The following NEDD9 variants were observed in gnomAD, a reference collection of about 807,000 sequenced individuals.
The protein encoded by NEDD9 is neural precursor cell expressed, developmentally down-regulated 9.
Under a neutral mutation model 76.6 loss-of-function variants are expected in NEDD9, and 26 were observed. That is an observed-to-expected ratio of 0.34 (90% CI 0.25 to 0.47). The LOEUF (loss-of-function observed/expected upper bound fraction) is 0.47. Among genes scored for constraint, NEDD9 ranks in the 20% least tolerant of loss-of-function variants. NEDD9 has a pLI of 1.00. For missense variants in NEDD9, 937 were observed against 1,058.5 expected, an observed-to-expected ratio of 0.89 and a Z score of 1.59; for synonymous variants, 392 against 414.2, an observed-to-expected ratio of 0.95 and a Z score of 0.65.
intron 1 of NEDD9, among the ~76,000 whole-genome samples, chr6:11,336,325 C>T (rs1279108348): frequency 2.0e-4 from 31 of 152,198 alleles, no homozygotes; most frequent in Non-Finnish European, 4.0e-4. Flanking sequence ...AGTGTACTCA[C>T]ACAAACCCAG....
At chr6:11,245,310 C>T (rs949974221) in intron 3 of NEDD9, among the ~76,000 whole-genome samples, 24 of 152,170 alleles carry the variant, frequency 1.6e-4, no homozygotes, top group African/African-American at 5.8e-4. Flanking sequence ...CCTTTTATTT[C>T]AGGTTCATTG....
At chr6:11,319,557 C>T (rs1442053444) in intron 2 of NEDD9, among the ~76,000 whole-genome samples, 4 of 119,824 alleles carry the variant, frequency 3.3e-5, no homozygotes, top group East Asian at 2.1e-4. Context: ...CACTAACATG[C>T]GGACACACAC....
At position 11,205,466 on chromosome 6, in the gene NEDD9, C is replaced by A. The variant is rs553492502; in HGVS notation, c.459+7815G>T. Reference sequence around the variant, plus strand: ...CAATAAATAACTGGTTTAAGTGTGCCATGCTTTAAGAAAACCAAGTATTAC... The same window carrying A: ...CAATAAATAACTGGTTTAAGTGTGCAATGCTTTAAGAAAACCAAGTATTAC... On this transcript the variant is annotated intron_variant, in intron 2 of 6. Coordinates refer to ENST00000379446, the MANE Select transcript of NEDD9 (RefSeq NM_006403.4). 2.0e-5 allele frequency among the ~76,000 whole-genome samples: 3 copies of A among 152,238 alleles called. No individual in the cohort carries two copies. In the East Asian group the frequency reaches 5.8e-4, roughly 29 times the overall value.
At chr6:11,285,372 G>A (rs1490126509) in intron 3 of NEDD9, among the ~76,000 whole-genome samples, 3 of 152,100 alleles carry the variant, frequency 2.0e-5, no homozygotes, top group Non-Finnish European at 4.4e-5. Context: ...GATATAATGT[G>A]TTCATGAATC....
At position 11,193,702 on chromosome 6, in the gene NEDD9, A is replaced by C; in HGVS notation, c.460-10T>G. The stretch of plus-strand genomic sequence containing the variant: ...TCACGGGGGTTATCACCTGTGGGAG[A>C]GAAGGCACAGAGGTGTAAATTTCCA... On this transcript the variant is annotated splice_polypyrimidine_tract_variant and intron_variant, in intron 2 of 6. Coordinates refer to ENST00000379446, the MANE Select transcript of NEDD9 (RefSeq NM_006403.4). 6.2e-7 allele frequency: 1 copy of C among 1,600,204 alleles called. No individual in the cohort carries two copies. The highest frequency in any genetic ancestry group is 8.6e-7 in the Non-Finnish European group (1 of 1,167,692).
intron 2 of NEDD9, among the ~76,000 whole-genome samples, chr6:11,206,225 C>T (rs1323133763): frequency 3.9e-5 from 6 of 151,988 alleles, no homozygotes; most frequent in African/African-American, 7.2e-5. Context: ...TTGAGACCAG[C>T]CTGACCAATA....
At chr6:11,298,471 A>G (rs1760957903) in intron 3 of NEDD9, among the ~76,000 whole-genome samples, 1 of 152,232 alleles carries the variant, frequency 6.6e-6, no homozygotes, top group Non-Finnish European at 1.5e-5. Context: ...TTAGAATTCC[A>G]AAAGTTGAGA....
chr6:11,258,255 T>C (rs1760043084), intron 3 of NEDD9, among the ~76,000 whole-genome samples: 1 of 152,192 alleles, frequency 6.6e-6, no homozygotes, highest in Non-Finnish European at 1.5e-5. Context: ...GCCATGTGCT[T>C]ACCAGGGAGG....
intron 1 of NEDD9, among the ~76,000 whole-genome samples, chr6:11,349,339 A>G (rs1468860132): frequency 1.3e-5 from 2 of 152,204 alleles, no homozygotes; most frequent in Non-Finnish European, 2.9e-5. Flanking sequence ...AATTAGTTCA[A>G]CCATTGTGGA....
chr6:11,264,241 G>A (rs1418071325), intron 3 of NEDD9, among the ~76,000 whole-genome samples: 1 of 152,318 alleles, frequency 6.6e-6, no homozygotes, highest in East Asian at 1.9e-4. Flanking sequence ...CCCAACAAAA[G>A]CTGGACTCCC....
chr6:11,203,762 AAAC>A (rs1419185180), intron 2 of NEDD9, among the ~76,000 whole-genome samples: 4 of 152,140 alleles, frequency 2.6e-5, no homozygotes, highest in Non-Finnish European at 1.5e-5. Flanking sequence ...CAGGTCTGTC[AAAC>A]ACTGATTCTC....
intron 2 of NEDD9, among the ~76,000 whole-genome samples, chr6:11,312,144 C>T (rs1364713508): frequency 2.6e-5 from 4 of 152,104 alleles, no homozygotes; most frequent in Admixed American, 6.6e-5. Context: ...CAAGCATTCT[C>T]TCCAGCTGGC....
chr6:11,325,088 G>C (rs966471346), intron 2 of NEDD9, among the ~76,000 whole-genome samples: 5 of 152,184 alleles, frequency 3.3e-5, no homozygotes, highest in African/African-American at 4.8e-5. Context: ...GGGCACGGTG[G>C]ATTACGCCTG....
At chr6:11,240,733 C>G (rs965493593) in intron 3 of NEDD9, among the ~76,000 whole-genome samples, 1 of 152,126 alleles carries the variant, frequency 6.6e-6, no homozygotes, top group Non-Finnish European at 1.5e-5. Flanking sequence ...ATGTGACAAG[C>G]AATTGTGACG....
intron 3 of NEDD9, among the ~76,000 whole-genome samples, chr6:11,243,570 A>G (rs1045459124): frequency 3.9e-5 from 6 of 152,144 alleles, no homozygotes; most frequent in Non-Finnish European, 5.9e-5. Flanking sequence ...TGCCAACTCT[A>G]TGATCTCCCC....
intron 2 of NEDD9, among the ~76,000 whole-genome samples, chr6:11,313,402 T>G (rs933277124): frequency 1.3e-5 from 2 of 149,874 alleles, no homozygotes; most frequent in Non-Finnish European, 3.0e-5. Context: ...AAGGGGTGGA[T>G]GGATGGATAG....
intron 1 of NEDD9, among the ~76,000 whole-genome samples, chr6:11,224,808 C>T (rs1280122105): frequency 6.6e-6 from 1 of 152,104 alleles, no homozygotes; most frequent in Non-Finnish European, 1.5e-5. Context: ...AAAGAGTCCT[C>T]TAGATGAGTC....
rs1053382591 is a variant in NEDD9, at chr6:11,331,705, C to A, written c.-153+2796G>T. Reference sequence around the variant, plus strand: ...AATGCAACACTTAGACCTGCCTGATCATGAATCTTTGGGTTTATTTCATAT... The same window carrying A: ...AATGCAACACTTAGACCTGCCTGATAATGAATCTTTGGGTTTATTTCATAT... On this transcript the variant is annotated intron_variant, in intron 2 of 3. Coordinates refer to the NEDD9 transcript ENST00000397378. 2.6e-5 allele frequency among the ~76,000 whole-genome samples: 4 copies of A among 152,278 alleles called. No individual in the cohort carries two copies. The East Asian group carries it at 7.7e-4, about 29-fold the overall frequency.
At chr6:11,336,666 G>C (rs1372700425) in intron 1 of NEDD9, among the ~76,000 whole-genome samples, 1 of 152,102 alleles carries the variant, frequency 6.6e-6, no homozygotes, top group East Asian at 1.9e-4. Flanking sequence ...GTACATTTAG[G>C]CTACACTACA....
Sources: gnomAD v4.1 joint callset for allele counts (sites outside exome capture counted in the v4.1 genomes callset) on GRCh38, gnomAD v4.1.1 for gene constraint, MANE v1.5 for transcripts, NCBI Gene and HGNC (gene_info 2026-07-23, HGNC 2026-07-21) for gene names.